RGS7: variants seen among roughly 807,000 people sequenced by gnomAD.
RGS7 encodes the protein regulator of G-protein signaling 7.
A neutral mutation model predicts 81.1 loss-of-function variants in RGS7; 27 were observed. That is an observed-to-expected ratio of 0.33 (90% CI 0.25 to 0.46). RGS7 has a LOEUF of 0.46. Ranked by LOEUF, RGS7 falls within the 20% of genes least tolerant of loss-of-function variation. RGS7 has a pLI of 1.00. For synonymous variants in RGS7, 208 were observed against 207.7 expected, an observed-to-expected ratio of 1.00 and a Z score of -0.01; for missense variants, 396 against 607.4, an observed-to-expected ratio of 0.65 and a Z score of 3.66.
At chr1:241,312,905 C>T (rs1008334509) in intron 2 of RGS7, among the ~76,000 whole-genome samples, 1 of 152,158 alleles carries the variant, frequency 6.6e-6, no homozygotes, top group South Asian at 2.1e-4. Context: ...AAAAGTGCTA[C>T]TCCAGTGAAC....
chr1:240,889,366 A>G (rs1031178727), intron 6 of RGS7, among the ~76,000 whole-genome samples: 2 of 152,186 alleles, frequency 1.3e-5, no homozygotes, highest in African/African-American at 4.8e-5. Context: ...CTGAGCAGAA[A>G]ATAAGCAGGG....
rs112747869 is a variant in RGS7, at chr1:241,220,503, T to G, written c.79-121741A>C. 5.8e-3 allele frequency among the ~76,000 whole-genome samples: 876 copies of G among 152,232 alleles called. 10 individuals are homozygous for G. Among genetic ancestry groups the G allele is most frequent in the African/African-American group, 0.02 (836 of 41,532 alleles). Reference sequence around the variant, plus strand: ...AGTCTATCACTGAGAGAAAATTATTTTTCCTTCCTGTCACCCTTCCTCCCC... The same window carrying G: ...AGTCTATCACTGAGAGAAAATTATTGTTCCTTCCTGTCACCCTTCCTCCCC... On this transcript the variant is annotated intron_variant, in intron 2 of 18. Transcript: ENST00000440928.
Position 241,002,383 on chromosome 1 carries a change from G to A in RGS7, c.176-19254C>T, listed in dbSNP as rs540803185. Among the ~76,000 whole-genome samples, 450 of 151,798 alleles carry A rather than the reference G, an allele frequency of 3.0e-3. 3 individuals carry two copies. Among genetic ancestry groups the A allele is most frequent in the Middle Eastern group, 6.8e-3 (2 of 294 alleles). On this transcript the variant is annotated intron_variant, in intron 3 of 18. Coordinates refer to ENST00000440928, the MANE Select transcript of RGS7 (RefSeq NM_001364886.1). ...CATGGGAATGGCTTGAACCCGGGAG[G>A]CGTAGGTTGCACTGAGCCAAGATCG...
intron 3 of RGS7, among the ~76,000 whole-genome samples, chr1:241,077,767 A>T (rs1374046161): frequency 6.6e-6 from 1 of 152,200 alleles, no homozygotes; most frequent in Non-Finnish European, 1.5e-5. Flanking sequence ...AGTGAAAAAG[A>T]CGTTGCTTGT....
At chr1:240,922,563 T>C (rs551345999) in intron 6 of RGS7, among the ~76,000 whole-genome samples, 6 of 152,070 alleles carry the variant, frequency 3.9e-5, no homozygotes, top group East Asian at 1.9e-4. Flanking sequence ...AAATATAATA[T>C]CTGAACAGAA....
chr1:241,022,841 G>A (rs1430276786), intron 3 of RGS7, among the ~76,000 whole-genome samples: 1 of 152,124 alleles, frequency 6.6e-6, no homozygotes, highest in Non-Finnish European at 1.5e-5. Flanking sequence ...AACCCATTGG[G>A]TAGTTGCAAT....
At position 241,094,238 on chromosome 1, in the gene RGS7, AACAC is replaced by A. The variant is rs149481776; in HGVS notation, c.175+4424_175+4427del. Among the ~76,000 whole-genome samples, 926 of 136,376 alleles carry A rather than the reference AACAC, an allele frequency of 6.8e-3. 9 individuals carry two copies. Among genetic ancestry groups the A allele is most frequent in the South Asian group, 0.021 (87 of 4,102 alleles). The allele number at this position is 136,376 out of a possible 152,430, so 89.5% of individuals were successfully genotyped here. A position where few individuals can be genotyped will look rare whatever the true frequency, so the allele number is the denominator to read the frequency against. On this transcript the variant is annotated intron_variant, in intron 3 of 18. Transcript: ENST00000440928. ...ATTGCCTCAGTGCCAGACATACATA[AACAC>A]ACACACACACACACACACACACACA... is the stretch of plus-strand genomic sequence containing the variant.
intron 2 of RGS7, among the ~76,000 whole-genome samples, chr1:241,129,946 C>A: frequency 6.6e-6 from 1 of 152,120 alleles, no homozygotes; most frequent in Admixed American, 6.5e-5. Flanking sequence ...CCTATTACTT[C>A]AAATTAAAGA....
rs1675102952 is a variant in RGS7, at chr1:240,929,866, T to C, written c.385+851A>G. The stretch of plus-strand genomic sequence containing the variant: ...AAACATTCACATAATTTTGCATATA[T>C]CACTCTCCTATTCACTTGACACTCT... On this transcript the variant is annotated intron_variant, in intron 6 of 18. Coordinates refer to ENST00000440928, the MANE Select transcript of RGS7 (RefSeq NM_001364886.1). Among the ~76,000 whole-genome samples the C allele has an allele frequency of 2.6e-5, 4 of 152,200 alleles. No individual in the cohort carries two copies. The South Asian group carries it at 8.3e-4, about 31-fold the overall frequency.
chr1:240,968,632 A>G (rs752032647), intron 4 of RGS7, among the ~76,000 whole-genome samples: 1 of 152,142 alleles, frequency 6.6e-6, no homozygotes, highest in African/African-American at 2.4e-5. Context: ...AAATCGTATC[A>G]GATGTTACAA....
At chr1:240,784,089 A>C (rs1283848269) in intron 18 of RGS7, among the ~76,000 whole-genome samples, 1 of 150,498 alleles carries the variant, frequency 6.6e-6, no homozygotes, top group African/African-American at 2.4e-5. Context: ...CGGGAGGCTG[A>C]GGCAAGATAA....
At chr1:240,920,028 C>A in intron 6 of RGS7, 1 of 1,200,284 alleles carries the variant, frequency 8.3e-7, no homozygotes, top group Non-Finnish European at 1.2e-6. Flanking sequence ...TTATTTTGAA[C>A]AGTTTGGAAA....
chr1:240,829,100 C>A (rs904028509), intron 9 of RGS7, among the ~76,000 whole-genome samples: 1 of 152,108 alleles, frequency 6.6e-6, no homozygotes, highest in Non-Finnish European at 1.5e-5. Flanking sequence ...GGCCAAAACT[C>A]CGCCATAATA....
intron 4 of RGS7, among the ~76,000 whole-genome samples, chr1:240,961,456 G>A (rs73121898): frequency 0.032 from 4,918 of 152,008 alleles, 255 homozygotes; most frequent in African/African-American, 0.11. Flanking sequence ...GCTTTATTGG[G>A]GTCTTTAGAA....
At chr1:241,319,895 A>G (rs1314079589) in intron 2 of RGS7, among the ~76,000 whole-genome samples, 2 of 152,114 alleles carry the variant, frequency 1.3e-5, no homozygotes, top group Non-Finnish European at 1.5e-5. Context: ...GTTCGAGACC[A>G]GCCTGACCAA....
chr1:240,944,260 A>G (rs545639815), intron 4 of RGS7, among the ~76,000 whole-genome samples: 20 of 51,822 alleles, frequency 3.9e-4, no homozygotes, highest in Admixed American at 1.1e-3. Flanking sequence ...GTTATATTAT[A>G]TGTGTGTGTG....
chr1:240,778,892 A>C (rs569550399), intron 18 of RGS7, among the ~76,000 whole-genome samples: 1 of 152,172 alleles, frequency 6.6e-6, no homozygotes, highest in Non-Finnish European at 1.5e-5. Context: ...TTTATGGGAG[A>C]AACAACAATA....
intron 2 of RGS7, among the ~76,000 whole-genome samples, chr1:241,183,148 A>T (rs893259218): frequency 1.3e-5 from 2 of 152,040 alleles, no homozygotes; most frequent in Non-Finnish European, 2.9e-5. Flanking sequence ...TACCACTCTC[A>T]TTGCTTGGAC....
intron 6 of RGS7, among the ~76,000 whole-genome samples, chr1:240,897,617 T>C (rs1471075338): frequency 6.6e-6 from 1 of 152,184 alleles, no homozygotes; most frequent in African/African-American, 2.4e-5. Flanking sequence ...CAGCCTTGCA[T>C]CCCAGGGATA....
Sources: allele counts gnomAD v4.1 joint callset (sites outside exome capture counted in the v4.1 genomes callset), GRCh38; gene constraint gnomAD v4.1.1; transcripts MANE v1.5; gene names NCBI Gene and HGNC (gene_info 2026-07-23, HGNC 2026-07-21).